RBFOX3: variants seen among roughly 807,000 people sequenced by gnomAD.
RBFOX3 encodes the protein RNA binding fox-1 homolog 3, also known as RNA binding protein fox-1 homolog 3.
A neutral mutation model predicts 48.7 loss-of-function variants in RBFOX3; 17 were observed. The observed-to-expected ratio is 0.35, with a 90% confidence interval of 0.24 to 0.52. RBFOX3 has a LOEUF of 0.52. Ranked by LOEUF, RBFOX3 falls within the 20% of genes least tolerant of loss-of-function variation. The pLI is 0.94. For synonymous variants in RBFOX3, 212 were observed against 209.5 expected (o/e 1.01, Z -0.10); for missense variants, 382 against 497.5 (o/e 0.77, Z 2.21).
intron 4 of RBFOX3, among the ~76,000 whole-genome samples, chr17:79,144,612 G>A (rs1781893337): frequency 6.6e-6 from 1 of 152,230 alleles, no homozygotes; most frequent in Admixed American, 6.5e-5. Context: ...CCAGGGTTGA[G>A]CCACAGGAGG....
chr17:79,440,763 C>T (rs2070730722), intron 2 of RBFOX3, among the ~76,000 whole-genome samples: 1 of 152,030 alleles, frequency 6.6e-6, no homozygotes. Context: ...TGGCCATTAG[C>T]CCCTCCCCAC....
At chr17:79,230,601 T>C (rs72846809) in intron 4 of RBFOX3, among the ~76,000 whole-genome samples, 3 of 152,176 alleles carry the variant, frequency 2.0e-5, no homozygotes, top group African/African-American at 4.8e-5. Flanking sequence ...GAAGAAACGC[T>C]GTGAAGCAGT....
intron 4 of RBFOX3, among the ~76,000 whole-genome samples, chr17:79,133,883 C>A (rs964276902): frequency 2.6e-5 from 4 of 152,204 alleles, no homozygotes; most frequent in Non-Finnish European, 5.9e-5. Context: ...TCGGAGCAGC[C>A]CCTGGGCCTC....
the RBFOX3 span, among the ~76,000 whole-genome samples, chr17:79,642,657 A>T: frequency 2.0e-5 from 3 of 152,246 alleles, no homozygotes; most frequent in African/African-American, 7.2e-5. Context: ...TAAAAAGTAC[A>T]GCAGACAAAG....
At chr17:79,118,389 T>G (rs1004636304) in intron 4 of RBFOX3, among the ~76,000 whole-genome samples, 2 of 152,076 alleles carry the variant, frequency 1.3e-5, no homozygotes, top group African/African-American at 4.8e-5. Flanking sequence ...TCGTCCGTTG[T>G]TAGCAAACGT....
At chr17:79,416,537 C>T (rs935293636) in intron 2 of RBFOX3, among the ~76,000 whole-genome samples, 2 of 152,242 alleles carry the variant, frequency 1.3e-5, no homozygotes, top group Admixed American at 1.3e-4. Flanking sequence ...GTGGCCCCTG[C>T]GATGGCGTGA....
At chr17:79,381,288 C>G (rs192416850) in intron 2 of RBFOX3, among the ~76,000 whole-genome samples, 30 of 151,842 alleles carry the variant, frequency 2.0e-4, no homozygotes, top group Non-Finnish European at 4.3e-4. Flanking sequence ...AAAAGAAACA[C>G]GTGAGATTCA....
chr17:79,126,352 G>C (rs930688328), intron 4 of RBFOX3, among the ~76,000 whole-genome samples: 1 of 152,200 alleles, frequency 6.6e-6, no homozygotes, highest in South Asian at 2.1e-4. Flanking sequence ...CATGTGGCAG[G>C]CGGCGATTCA....
In RBFOX3 at chr17:79,371,999, C is replaced by A. The variant is rs931896978; in HGVS notation, c.-174-64175G>T. On this transcript the variant is annotated intron_variant, in intron 2 of 14. Transcript: ENST00000693108. ...CCACAGGCAGGTTCGGGGAGACCCTCCCCGCAGACGCTTCAGTTACAGGCA... is the reference window on the plus strand; with the variant it reads ...CCACAGGCAGGTTCGGGGAGACCCTACCCGCAGACGCTTCAGTTACAGGCA... 3.9e-5 allele frequency among the ~76,000 whole-genome samples: 6 copies of A among 152,116 alleles called. No individual in the cohort carries two copies. In the East Asian group the frequency reaches 7.7e-4, roughly 20 times the overall value.
chr17:79,138,714 C>CA (rs2041017570), intron 4 of RBFOX3, among the ~76,000 whole-genome samples: 3 of 18,450 alleles, frequency 1.6e-4, no homozygotes, highest in Admixed American at 6.6e-4. Context: ...CGTTCACACC[C>CA]CCTCACCCAC....
At chr17:79,110,905 C>T (rs2031081836) in intron 5 of RBFOX3, among the ~76,000 whole-genome samples, 1 of 152,258 alleles carries the variant, frequency 6.6e-6, no homozygotes, top group South Asian at 2.1e-4. Flanking sequence ...GGACCAGCGC[C>T]TCCTCTCTTC....
At position 79,579,286 on chromosome 17, in the gene RBFOX3, G is replaced by A. The variant is rs972645360; in HGVS notation, c.-320+31540C>T. Among the ~76,000 whole-genome samples, 180 of 152,218 alleles carry A rather than the reference G, an allele frequency of 1.2e-3. 1 individual carries two copies. Among genetic ancestry groups the A allele is most frequent in the Admixed American group, 2.7e-3 (42 of 15,302 alleles). On this transcript the variant is annotated intron_variant, in intron 1 of 14. Coordinates refer to ENST00000693108, the MANE Select transcript of RBFOX3 (RefSeq NM_001350451.2). ...TGACACGGGTGCTGGCTCTGCTGCC[G>A]GGTGCTGGCTCTGCTGCCGGCCGCT...
chr17:79,093,662 G>A (rs1304716060), intron 14 of RBFOX3, among the ~76,000 whole-genome samples: 1 of 152,098 alleles, frequency 6.6e-6, no homozygotes, highest in African/African-American at 2.4e-5. Context: ...CATCTTTGAT[G>A]CTGGATGCCA....
intron 2 of RBFOX3, among the ~76,000 whole-genome samples, chr17:79,430,743 C>G (rs1392801441): frequency 1.3e-5 from 2 of 152,170 alleles, no homozygotes; most frequent in African/African-American, 4.8e-5. Flanking sequence ...TGGGGTTTTG[C>G]CACGTTGGCC....
rs72340982 is a variant in RBFOX3 at position 79,319,906 on chromosome 17, TA to T, written c.-174-12083del. On this transcript the variant is annotated intron_variant, in intron 2 of 14. Transcript: ENST00000693108. Reference sequence around the variant, plus strand: ...GCTGGTCCTTTCTGGGCTGCTGGTCTATGTCTGGGCTGCTGGTCTATGTCTG... The same window carrying T: ...GCTGGTCCTTTCTGGGCTGCTGGTCTTGTCTGGGCTGCTGGTCTATGTCTG... 2.3e-4 allele frequency among the ~76,000 whole-genome samples: 3 copies of T among 13,280 alleles called. 1 individual carries two copies. Among genetic ancestry groups the T allele is most frequent in the African/African-American group, 1.1e-3 (3 of 2,832 alleles). The allele number at this position is 13,280 out of a possible 152,430, so 8.7% of individuals were successfully genotyped here. A position where few individuals can be genotyped will look rare whatever the true frequency, so the allele number is the denominator to read the frequency against.
rs980524902 is a variant in RBFOX3 at position 79,473,927 on chromosome 17, G to A, written c.-175+8527C>T. On this transcript the variant is annotated intron_variant, in intron 2 of 14. Transcript: ENST00000693108. The surrounding 1 kb of genome is among the most constrained non-coding windows in gnomAD (Gnocchi z 4.2). ...TTTCCTTCCTCAGGCATTTGCTGAC[G>A]CTCCTTTTCTGTTCTTTCCCCCACA... Among the ~76,000 whole-genome samples the A allele has an allele frequency of 6.6e-6, 1 of 152,064 alleles. No individual in the cohort carries two copies. Among genetic ancestry groups the A allele is most frequent in the Non-Finnish European group, 1.5e-5 (1 of 68,018 alleles).
intron 4 of RBFOX3, among the ~76,000 whole-genome samples, chr17:79,216,406 C>G (rs1215002033): frequency 1.3e-5 from 2 of 152,036 alleles, no homozygotes; most frequent in Non-Finnish European, 2.9e-5. Context: ...CTGGGACCAC[C>G]TGGAGGGCCT....
At chr17:79,314,821 G>A (rs1012617397) in intron 2 of RBFOX3, among the ~76,000 whole-genome samples, 1 of 152,186 alleles carries the variant, frequency 6.6e-6, no homozygotes, top group Non-Finnish European at 1.5e-5. Context: ...ATGCCAAATC[G>A]ATGCTCAGAG....
In RBFOX3 at chr17:79,193,925, C is replaced by T. The variant is rs190615182; in HGVS notation, c.-34+41841G>A. On this transcript the variant is annotated intron_variant, in intron 4 of 14. Transcript: ENST00000693108. ...GGTGTTCCGGGCTAGGGGAGCAGGC[C>T]TGATGGTGGAGGAGGTGGGAGTGGG... 5.2e-4 allele frequency among the ~76,000 whole-genome samples: 79 copies of T among 151,444 alleles called. 1 individual carries two copies. Among genetic ancestry groups the T allele is most frequent in the African/African-American group, 1.8e-3 (74 of 41,084 alleles).
Sources: gnomAD v4.1 joint callset for allele counts (sites outside exome capture counted in the v4.1 genomes callset) on GRCh38, gnomAD v4.1.1 for gene constraint, Gnocchi (gnomAD v3.1) non-coding constraint, MANE v1.5 for transcripts, NCBI Gene and HGNC (gene_info 2026-07-23, HGNC 2026-07-21) for gene names.